The following SLC16A10 variants were observed in gnomAD, a reference collection of about 807,000 sequenced individuals.
The protein encoded by SLC16A10 is solute carrier family 16 member 10, also known as monocarboxylate transporter 10.
A neutral mutation model predicts 40.0 loss-of-function variants in SLC16A10; 27 were observed. The ratio of observed to expected loss-of-function variants is 0.67; its 90% CI spans 0.50 to 0.93. The LOEUF (loss-of-function observed/expected upper bound fraction) is 0.93. Ranked by LOEUF, SLC16A10 falls within the 40% of genes least tolerant of loss-of-function variation. The probability of loss-of-function intolerance (pLI) is 0.00; values close to 1 mark genes in which losing one functional copy is unlikely to be tolerated. For missense variants in SLC16A10, 529 were observed against 658.2 expected, an observed-to-expected ratio of 0.80 and a Z score of 2.15; for synonymous variants, 213 against 249.8, an observed-to-expected ratio of 0.85 and a Z score of 1.39.
intron 3 of SLC16A10, among the ~76,000 whole-genome samples, chr6:111,200,413 G>A (rs1773149555): frequency 6.6e-6 from 1 of 152,102 alleles, no homozygotes; most frequent in Non-Finnish European, 1.5e-5. Flanking sequence ...GGTGTAAAGG[G>A]ATTAATTTTA....
intron 1 of SLC16A10, among the ~76,000 whole-genome samples, chr6:111,091,622 A>G (rs1770976751): frequency 1.3e-5 from 2 of 151,886 alleles, no homozygotes; most frequent in African/African-American, 4.9e-5. Flanking sequence ...TTTCCTTTGA[A>G]GAACTTTTAG....
intron 1 of SLC16A10, among the ~76,000 whole-genome samples, chr6:111,125,255 A>C (rs12202987): frequency 0.1 from 15,470 of 152,240 alleles, 1,035 homozygotes; most frequent in Middle Eastern, 0.17. Flanking sequence ...TAAAAGCAGC[A>C]TTATCATTAA....
intron 1 of SLC16A10, among the ~76,000 whole-genome samples, chr6:111,151,232 T>G (rs1772166868): frequency 6.6e-6 from 1 of 152,214 alleles, no homozygotes; most frequent in African/African-American, 2.4e-5. Flanking sequence ...GAAATTTGCT[T>G]TATATTCAGG....
intron 1 of SLC16A10, among the ~76,000 whole-genome samples, chr6:111,156,268 G>A (rs1019353969): frequency 6.6e-6 from 1 of 152,198 alleles, no homozygotes; most frequent in African/African-American, 2.4e-5. Flanking sequence ...AAGAGGCAGA[G>A]CATAATTAAT....
intron 4 of SLC16A10, among the ~76,000 whole-genome samples, chr6:111,207,980 G>T (rs973164541): frequency 1.2e-4 from 18 of 151,842 alleles, no homozygotes; most frequent in East Asian, 7.8e-4. Context: ...GTGTTTTTTG[G>T]TTTTTTGAGG....
chr6:111,204,611 G>A (rs1413376151), intron 3 of SLC16A10, among the ~76,000 whole-genome samples: 1 of 152,206 alleles, frequency 6.6e-6, no homozygotes, highest in African/African-American at 2.4e-5. Flanking sequence ...AAGTGACATT[G>A]TGAATAAACC....
intron 3 of SLC16A10, among the ~76,000 whole-genome samples, chr6:111,190,951 T>C (rs374376041): frequency 1.4e-4 from 22 of 152,382 alleles, no homozygotes; most frequent in Admixed American, 9.1e-4. Context: ...TTGTCACTTA[T>C]GCAAATTCTG....
chr6:111,130,546 T>G (rs531400272), intron 1 of SLC16A10, among the ~76,000 whole-genome samples: 1 of 152,312 alleles, frequency 6.6e-6, no homozygotes, highest in South Asian at 2.1e-4. Flanking sequence ...TATGTGTGTG[T>G]GGAGCTTCCT....
At chr6:111,118,358 A>G (rs1482828891) in intron 1 of SLC16A10, among the ~76,000 whole-genome samples, 1 of 152,180 alleles carries the variant, frequency 6.6e-6, no homozygotes, top group Non-Finnish European at 1.5e-5. Context: ...CTTTTTATTC[A>G]TTCCCTCCAG....
chr6:111,116,486 G>C (rs548769302), intron 1 of SLC16A10, among the ~76,000 whole-genome samples: 4 of 152,066 alleles, frequency 2.6e-5, no homozygotes, highest in Non-Finnish European at 5.9e-5. Context: ...CCAAAGTGCT[G>C]GGATTACAGG....
chr6:111,163,579 A>G (rs934397011), intron 1 of SLC16A10, among the ~76,000 whole-genome samples: 1 of 152,172 alleles, frequency 6.6e-6, no homozygotes. Flanking sequence ...CATTATTTTT[A>G]TTTTGGCAAT....
intron 4 of SLC16A10, among the ~76,000 whole-genome samples, chr6:111,215,407 C>A (rs1583367471): frequency 2.3e-5 from 2 of 87,732 alleles, no homozygotes; most frequent in Non-Finnish European, 2.2e-5. Flanking sequence ...GCAAGTGGTA[C>A]TGGTGTTAAA....
chr6:111,186,936 A>G (rs995469450), intron 3 of SLC16A10, among the ~76,000 whole-genome samples: 1 of 152,204 alleles, frequency 6.6e-6, no homozygotes, highest in Non-Finnish European at 1.5e-5. Context: ...AATTGCAAAC[A>G]TGGAATCCCT....
At chr6:111,204,294 GCCAT>G (rs1773219400) in intron 3 of SLC16A10, among the ~76,000 whole-genome samples, 1 of 152,198 alleles carries the variant, frequency 6.6e-6, no homozygotes, top group African/African-American at 2.4e-5. Flanking sequence ...GTCAGTTTCT[GCCAT>G]GGGTAGTTGG....
intron 3 of SLC16A10, among the ~76,000 whole-genome samples, chr6:111,203,993 T>C (rs949993529): frequency 1.3e-5 from 2 of 152,176 alleles, no homozygotes; most frequent in Non-Finnish European, 2.9e-5. Flanking sequence ...TTATGAATAC[T>C]AAAGAATGCC....
In SLC16A10 at chr6:111,229,453, G is replaced by A. The variant is rs1027785820; in HGVS notation, c.*7218G>A. On this transcript the variant is annotated 3_prime_UTR_variant, in exon 6 of 6. Transcript: ENST00000368851. ...CCCTTGTCAATGTTTCTAGCACAAA[G>A]TGAGGGATTTAAATATATTCTGTAA... 1.3e-5 allele frequency: 2 copies of A among 152,186 alleles called. No homozygotes were observed. The highest frequency in any genetic ancestry group is 4.8e-5 in the African/African-American group (2 of 41,434). 9.4% of individuals were successfully genotyped at this position (152,186 alleles called of 1,614,324 possible). A position where few individuals can be genotyped will look rare whatever the true frequency, so the allele number is the denominator to read the frequency against.
chr6:111,148,683 G>A (rs1310627310), intron 1 of SLC16A10, among the ~76,000 whole-genome samples: 2 of 152,246 alleles, frequency 1.3e-5, no homozygotes, highest in Middle Eastern at 3.2e-3. Context: ...CTGGTGGACA[G>A]TGTGTAACAG....
chr6:111,168,273 C>A (rs1772516138), intron 1 of SLC16A10, among the ~76,000 whole-genome samples: 1 of 152,206 alleles, frequency 6.6e-6, no homozygotes, highest in Non-Finnish European at 1.5e-5. Context: ...AGCCAACACG[C>A]CTGGCCGTTT....
chr6:111,201,816 C>T (rs1383562704), intron 3 of SLC16A10, among the ~76,000 whole-genome samples: 1 of 152,190 alleles, frequency 6.6e-6, no homozygotes, highest in Non-Finnish European at 1.5e-5. Flanking sequence ...TTGGGGTTCC[C>T]TTCTGTTGAG....
Sources: gnomAD v4.1 joint callset for allele counts (sites outside exome capture counted in the v4.1 genomes callset) on GRCh38, gnomAD v4.1.1 for gene constraint, MANE v1.5 for transcripts, NCBI Gene and HGNC (gene_info 2026-07-23, HGNC 2026-07-21) for gene names.